Variants in DNM3 observed in about 807,000 individuals in gnomAD.
The protein encoded by DNM3 is dynamin 3.
A neutral mutation model predicts 101.6 loss-of-function variants in DNM3; 47 were observed. The observed-to-expected ratio is 0.46, with a 90% confidence interval of 0.37 to 0.59. The LOEUF is 0.59. DNM3 is among the 20% of genes least tolerant of loss of function. DNM3 has a pLI of 0.00. For synonymous variants in DNM3, 385 were observed against 387.9 expected, an observed-to-expected ratio of 0.99 and a Z score of 0.09; for missense variants, 849 against 1,085.7, an observed-to-expected ratio of 0.78 and a Z score of 3.06.
intron 2 of DNM3, among the ~76,000 whole-genome samples, chr1:171,980,845 A>G (rs917045793): frequency 2.8e-5 from 4 of 145,086 alleles, no homozygotes; most frequent in Non-Finnish European, 5.9e-5. Context: ...ATCTAGGCTC[A>G]CTGCAACCTC....
chr1:172,325,632 C>T (rs535659480), intron 17 of DNM3, among the ~76,000 whole-genome samples: 42 of 152,100 alleles, frequency 2.8e-4, no homozygotes, highest in South Asian at 8.3e-4. Flanking sequence ...ACAAGCTGTG[C>T]TGTCTCCGGA....
At chr1:172,285,438 C>T (rs190900802) in intron 15 of DNM3, among the ~76,000 whole-genome samples, 1 of 152,036 alleles carries the variant, frequency 6.6e-6, no homozygotes, top group African/African-American at 2.4e-5. Context: ...ATGAAGGTGG[C>T]GGTGGTGTTG....
chr1:171,903,063 G>A (rs2038512111), intron 1 of DNM3, among the ~76,000 whole-genome samples: 2 of 152,052 alleles, frequency 1.3e-5, no homozygotes, highest in South Asian at 2.1e-4. Flanking sequence ...GATGGGGTGG[G>A]AGGATTGCTT....
Position 171,852,225 on chromosome 1 carries a change from A to C in DNM3, c.161+10408A>C, listed in dbSNP as rs114158171. Among the ~76,000 whole-genome samples the C allele has an allele frequency of 7.9e-3, 1,205 of 152,284 alleles. 17 individuals carry two copies. Among genetic ancestry groups the C allele is most frequent in the African/African-American group, 0.027 (1,119 of 41,574 alleles). ...TTGAGGTTTCTTAGTAAGATGTTTC[A>C]TTTACCTGCCTATCTTCCAGATTAC... On this transcript the variant is annotated intron_variant, in intron 1 of 20. Transcript: ENST00000627582.
At chr1:172,101,954 G>A (rs962322243) in intron 13 of DNM3, among the ~76,000 whole-genome samples, 9 of 151,904 alleles carry the variant, frequency 5.9e-5, no homozygotes, top group African/African-American at 1.7e-4. Flanking sequence ...TGCCTCCCAG[G>A]TTCAAGCAAT....
intron 17 of DNM3, chr1:172,338,912 G>C: frequency 2.4e-6 from 1 of 421,204 alleles, no homozygotes; most frequent in Non-Finnish European, 4.7e-6. Context: ...TGTTTGTGCA[G>C]GTGTATAGTT....
At chr1:172,016,613 T>C (rs2047471868) in intron 4 of DNM3, among the ~76,000 whole-genome samples, 1 of 152,210 alleles carries the variant, frequency 6.6e-6, no homozygotes, top group Non-Finnish European at 1.5e-5. Context: ...GCTGGTTTTA[T>C]AGAAAGAGTT....
At chr1:171,926,950 G>A (rs1291199385) in intron 2 of DNM3, among the ~76,000 whole-genome samples, 1 of 152,134 alleles carries the variant, frequency 6.6e-6, no homozygotes, top group African/African-American at 2.4e-5. Context: ...CATACTTAAT[G>A]GTGACAGACT....
intron 14 of DNM3, among the ~76,000 whole-genome samples, chr1:172,220,858 G>T (rs540236652): frequency 6.6e-6 from 1 of 152,024 alleles, no homozygotes; most frequent in Non-Finnish European, 1.5e-5. Flanking sequence ...TAATAAAAGC[G>T]TGCCATAAAG....
At chr1:171,984,733 C>T (rs2045118344) in intron 2 of DNM3, among the ~76,000 whole-genome samples, 1 of 152,156 alleles carries the variant, frequency 6.6e-6, no homozygotes, top group South Asian at 2.1e-4. Context: ...TATTTTCCCC[C>T]CTTAATTATA....
intron 1 of DNM3, among the ~76,000 whole-genome samples, chr1:171,881,179 C>T (rs1057138681): frequency 6.6e-6 from 1 of 152,006 alleles, no homozygotes; most frequent in African/African-American, 2.4e-5. Flanking sequence ...TCAGTTAATT[C>T]CGTATGAAAC....
intron 14 of DNM3, among the ~76,000 whole-genome samples, chr1:172,242,231 G>A (rs2061776613): frequency 6.6e-6 from 1 of 152,144 alleles, no homozygotes; most frequent in Admixed American, 6.6e-5. Flanking sequence ...GGCAGGGCAA[G>A]AAATGGGCTG....
intron 13 of DNM3, among the ~76,000 whole-genome samples, chr1:172,119,573 C>A (rs2056166885): frequency 6.6e-6 from 1 of 152,044 alleles, no homozygotes; most frequent in South Asian, 2.1e-4. Context: ...CAGTCCTGGG[C>A]CCTCTTCTCT....
At chr1:172,293,280 G>T (rs1439011659) in intron 15 of DNM3, among the ~76,000 whole-genome samples, 3 of 152,180 alleles carry the variant, frequency 2.0e-5, no homozygotes, top group African/African-American at 7.2e-5. Context: ...ACACCCAAAG[G>T]TATTCTTATG....
chr1:172,386,256 T>A (rs1028442107), intron 18 of DNM3, among the ~76,000 whole-genome samples: 16 of 38,478 alleles, frequency 4.2e-4, no homozygotes, highest in Non-Finnish European at 1.8e-3. Flanking sequence ...ATTGATGGTA[T>A]TTTTTTTTTG....
At chr1:172,028,973 C>T (rs1295333988) in intron 4 of DNM3, among the ~76,000 whole-genome samples, 3 of 152,096 alleles carry the variant, frequency 2.0e-5, no homozygotes, top group Admixed American at 6.5e-5. Context: ...CAAATTCTAC[C>T]AGAGGTACAA....
chr1:172,176,290 T>A (rs574902728), intron 14 of DNM3, among the ~76,000 whole-genome samples: 2 of 151,898 alleles, frequency 1.3e-5, no homozygotes, highest in South Asian at 4.1e-4. Context: ...CTAAGGAATG[T>A]AGGTAGCTTC....
intron 16 of DNM3, among the ~76,000 whole-genome samples, chr1:172,313,145 A>G (rs1259347021): frequency 2.6e-5 from 4 of 152,188 alleles, no homozygotes; most frequent in Non-Finnish European, 2.9e-5. Flanking sequence ...TCTATTTTCT[A>G]TGGTCACTAA....
chr1:172,262,017 G>A (rs2062674980), intron 15 of DNM3, among the ~76,000 whole-genome samples: 1 of 152,176 alleles, frequency 6.6e-6, no homozygotes, highest in South Asian at 2.1e-4. Flanking sequence ...ACCCCTCAGT[G>A]GTACTGGCTA....
Sources: gnomAD v4.1 joint callset for allele counts (sites outside exome capture counted in the v4.1 genomes callset) on GRCh38, gnomAD v4.1.1 for gene constraint, MANE v1.5 for transcripts, NCBI Gene and HGNC (gene_info 2026-07-23, HGNC 2026-07-21) for gene names.